Variants in ARID1B observed in about 807,000 individuals in gnomAD.
ARID1B encodes the protein AT-rich interactive domain-containing protein 1B.
A neutral mutation model predicts 212.3 loss-of-function variants in ARID1B; 30 were observed. The observed-to-expected ratio is 0.14, with a 90% CI of 0.11 to 0.19. The LOEUF (loss-of-function observed/expected upper bound fraction) is 0.19, where lower values mean the gene tolerates loss of function less well. Ranked by LOEUF, ARID1B falls within the 10% of genes least tolerant of loss-of-function variation. ARID1B has a pLI of 1.00. For synonymous variants in ARID1B, 1,402 were observed against 1,301.7 expected, an observed-to-expected ratio of 1.08 and a Z score of -1.66; for missense variants, 2,891 against 3,204.0, an observed-to-expected ratio of 0.90 and a Z score of 2.36.
In ARID1B at chr6:156,810,584, C is replaced by T. The variant is rs556974752; in HGVS notation, c.1792-18643C>T. ...CAACCAAACCTTCTAAATTTTAGAA[C>T]ACAGGTTTCCTCAGGGGTCTCTGAT... is the stretch of plus-strand genomic sequence containing the variant. On this transcript the variant is annotated intron_variant, in intron 1 of 19. Transcript: ENST00000636930. Among the ~76,000 whole-genome samples the T allele has an allele frequency of 2.0e-3, 306 of 152,332 alleles. 1 individual carries two copies. Among genetic ancestry groups the T allele is most frequent in the Non-Finnish European group, 1.5e-3 (102 of 68,022 alleles).
chr6:156,987,460 A>G (rs1444115296), intron 4 of ARID1B, among the ~76,000 whole-genome samples: 1 of 151,924 alleles, frequency 6.6e-6, no homozygotes, highest in East Asian at 1.9e-4. Flanking sequence ...CCTCCCAAGT[A>G]GCTGAGACTA....
intron 4 of ARID1B, among the ~76,000 whole-genome samples, chr6:156,978,630 G>A (rs190714859): frequency 1.1e-3 from 175 of 152,272 alleles, no homozygotes; most frequent in African/African-American, 3.9e-3. Context: ...AGACTGTTTT[G>A]TGTCGTTATA....
rs377400673 is a variant in ARID1B, at chr6:157,109,587, C to T, written c.2492-885C>T. Among the ~76,000 whole-genome samples, 5 of 152,302 alleles carry T rather than the reference C, an allele frequency of 3.3e-5. No homozygotes were observed. In the South Asian group the frequency reaches 8.3e-4, roughly 25 times the overall value. ...CGTTACATTTTTAGTCTTAGAAATG[C>T]ATTTAAACCTCTCAGCCAAAAAGTG... On this transcript the variant is annotated intron_variant, in intron 5 of 19. Transcript: ENST00000636930.
intron 2 of ARID1B, among the ~76,000 whole-genome samples, chr6:156,845,093 T>TTCACAGCCTCG (rs2128095348): frequency 5.0e-5 from 1 of 20,096 alleles, no homozygotes; most frequent in East Asian, 5.5e-4. Flanking sequence ...TTAGGAGACA[T>TTCACAGCCTCG]CTTCAGCCGG....
intron 2 of ARID1B, among the ~76,000 whole-genome samples, chr6:156,881,923 C>T (rs571839229): frequency 2.6e-5 from 4 of 152,186 alleles, no homozygotes; most frequent in Non-Finnish European, 5.9e-5. Context: ...AGAACTAGAA[C>T]TCATTTACTT....
At chr6:157,195,321 G>A (rs1562340183) in intron 15 of ARID1B, 1 of 152,204 alleles carries the variant, frequency 6.6e-6, no homozygotes, top group Non-Finnish European at 1.5e-5. Flanking sequence ...TCACTTGCTT[G>A]TGTTTGTGAG....
chr6:157,122,564 G>A (rs1303480858), intron 6 of ARID1B, among the ~76,000 whole-genome samples: 4 of 152,236 alleles, frequency 2.6e-5, no homozygotes, highest in Admixed American at 2.6e-4. Flanking sequence ...TGGTGGAAAC[G>A]CGCTTGCCCG....
chr6:157,209,390 C>A lies in ARID1B; in HGVS notation c.*1499C>A, dbSNP rs1221971374. 4 of 231,886 alleles carry A rather than the reference C, an allele frequency of 1.7e-5. No individual in the cohort carries two copies. The highest frequency in any genetic ancestry group is 6.1e-5 in the East Asian group (1 of 16,348). The allele number at this position is 231,886 out of a possible 1,614,324, so 14.4% of individuals were successfully genotyped here. A position where few individuals can be genotyped will look rare whatever the true frequency, so the allele number is the denominator to read the frequency against. On this transcript the variant is annotated 3_prime_UTR_variant, in exon 20 of 20. Coordinates refer to ENST00000636930, the MANE Select transcript of ARID1B (RefSeq NM_001374828.1). ...TATAAAACCCTACATTTGGAAGAGA[C>A]CTTTAGGGGTTACCTACTTTAGAGT...
chr6:156,934,625 C>T (rs1792011987), intron 3 of ARID1B, among the ~76,000 whole-genome samples: 2 of 151,852 alleles, frequency 1.3e-5, no homozygotes, highest in South Asian at 2.1e-4. Flanking sequence ...AGCTTAATAA[C>T]GATTTACGCT....
chr6:156,908,339 A>T (rs889487002), intron 3 of ARID1B, among the ~76,000 whole-genome samples: 1 of 152,214 alleles, frequency 6.6e-6, no homozygotes, highest in African/African-American at 2.4e-5. Flanking sequence ...AACTTTATTA[A>T]CATAAAGTTC....
chr6:157,051,881 G>A (rs932748400), intron 4 of ARID1B, among the ~76,000 whole-genome samples: 14 of 152,040 alleles, frequency 9.2e-5, no homozygotes, highest in African/African-American at 3.4e-4. Flanking sequence ...ATATTACTTT[G>A]TAACCATATT....
intron 1 of ARID1B, chr6:156,780,201 G>A (rs936601189): frequency 6.6e-6 from 1 of 152,238 alleles, no homozygotes; most frequent in African/African-American, 2.4e-5. Context: ...GCTGCTTGCA[G>A]GGAGTCACCT....
intron 4 of ARID1B, among the ~76,000 whole-genome samples, chr6:157,021,373 G>A (rs1242150337): frequency 6.6e-6 from 1 of 152,246 alleles, no homozygotes; most frequent in Non-Finnish European, 1.5e-5. Context: ...GGCAGCGGGC[G>A]GAATTAACCC....
chr6:156,918,562 T>C (rs972251975), intron 3 of ARID1B, among the ~76,000 whole-genome samples: 1 of 152,232 alleles, frequency 6.6e-6, no homozygotes, highest in African/African-American at 2.4e-5. Context: ...TGGGTTATGT[T>C]TGAATTTTGA....
At chr6:157,202,862 TACAC>T (rs543556338) in intron 18 of ARID1B, among the ~76,000 whole-genome samples, 245 of 151,166 alleles carry the variant, frequency 1.6e-3, no homozygotes, top group African/African-American at 5.4e-3. Context: ...TAGAAATATA[TACAC>T]ACACACACAC....
intron 4 of ARID1B, among the ~76,000 whole-genome samples, chr6:156,960,849 A>G (rs554155165): frequency 1.3e-5 from 2 of 152,334 alleles, no homozygotes; most frequent in East Asian, 3.9e-4. Flanking sequence ...TTTGTTGAGT[A>G]AAGAAGCAGA....
rs561762230 is a variant in ARID1B, at chr6:157,200,560, T to C, written c.4480-145T>C. ...ATAATACTGAAATATTGAACATAAATTGTTAGTTCTCTGTTGTTATAGGAG... is the reference window on the plus strand; with the variant it reads ...ATAATACTGAAATATTGAACATAAACTGTTAGTTCTCTGTTGTTATAGGAG... On this transcript the variant is annotated intron_variant, in intron 17 of 19. Transcript: ENST00000636930. This position sits in a 1 kb window ranked among gnomAD's most constrained non-coding sequence, Gnocchi z 4.3. 150 of 864,276 alleles carry C rather than the reference T, an allele frequency of 1.7e-4. No individual in the cohort carries two copies. The highest frequency in any genetic ancestry group is 2.5e-4 in the Non-Finnish European group (146 of 578,402). The allele number at this position is 864,276 out of a possible 1,614,324, so 53.5% of individuals were successfully genotyped here.
intron 3 of ARID1B, among the ~76,000 whole-genome samples, chr6:156,921,260 A>G (rs914611998): frequency 2.6e-5 from 4 of 152,174 alleles, no homozygotes; most frequent in Non-Finnish European, 4.4e-5. Context: ...GGTGTTTAAC[A>G]TAAAGTGACT....
At chr6:157,188,510 ATG>A (rs1208736152) in intron 13 of ARID1B, among the ~76,000 whole-genome samples, 1 of 152,226 alleles carries the variant, frequency 6.6e-6, no homozygotes, top group East Asian at 1.9e-4. Context: ...CTAGAGTAAA[ATG>A]TGAATAATGG....
Sources: allele counts gnomAD v4.1 joint callset (sites outside exome capture counted in the v4.1 genomes callset), GRCh38; gene constraint gnomAD v4.1.1; non-coding constraint Gnocchi (gnomAD v3.1); transcripts MANE v1.5; gene names NCBI Gene and HGNC (gene_info 2026-07-23, HGNC 2026-07-21).